Variants in C1orf52 observed in about 807,000 individuals in gnomAD.
C1orf52 encodes the protein chromosome 1 open reading frame 52, also known as UPF0690 protein C1orf52.
A neutral mutation model predicts 17.2 loss-of-function variants in C1orf52; 5 were observed. The observed-to-expected ratio is 0.29, with a 90% CI of 0.15 to 0.61. The LOEUF (loss-of-function observed/expected upper bound fraction) is 0.61. Among genes scored for constraint, C1orf52 ranks in the 20% least tolerant of loss-of-function variants. The pLI is 0.85. For synonymous variants in C1orf52, 110 were observed against 88.0 expected (o/e 1.25, Z -1.40); for missense variants, 245 against 234.1 (o/e 1.05, Z -0.30).
chr1:85,258,785 A>G, intron 1 of C1orf52, 63 bp from the exon 2 acceptor site: 1 of 1,467,954 alleles, frequency 6.8e-7, no homozygotes, highest in Non-Finnish European at 9.1e-7. Context: ...GGACGTGGGC[A>G]CATGCAACTC....
chr1:85,259,546 C>G lies in C1orf52; in HGVS notation c.88G>C (p.Glu30Gln). The change falls in exon 1 of 3, where the codon GAG becomes CAG. Residue 30 changes from glutamate to glutamine, a missense_variant. Physicochemically the swap from Glu to Gln is conservative, Grantham distance 29. Coordinates refer to ENST00000471115, the MANE Select transcript of C1orf52 (RefSeq NM_198077.4). ...GTTCTGCGACTCGTCTCCTCCGGCT[C>G]GATGTTATCCTCCTCGTCCGAGGAG... is the stretch of plus-strand genomic sequence containing the variant. ...SGSSDEEDNI[E>Q]PEETSRRTPD... The G allele has an allele frequency of 6.2e-7, 1 of 1,613,778 alleles. No homozygotes were observed. The highest frequency in any genetic ancestry group is 8.5e-7 in the Non-Finnish European group (1 of 1,179,970).
chr1:85,256,814 A>AAAAAAAAAG (rs1553178011), intron 2 of C1orf52, among the ~76,000 whole-genome samples: 321 of 107,988 alleles, frequency 3.0e-3, no homozygotes, highest in Middle Eastern at 5.6e-3. Context: ...AAAAAAAAAA[A>AAAAAAAAAG]AAAAGAAAAG....
chr1:85,258,043 T>C (rs1328073805), intron 2 of C1orf52, among the ~76,000 whole-genome samples: 3 of 150,998 alleles, frequency 2.0e-5, no homozygotes, highest in Non-Finnish European at 4.4e-5. Flanking sequence ...CGCTTGAACC[T>C]GGGAGGTGGA....
chr1:85,256,784 C>G (rs1385142996), intron 2 of C1orf52, among the ~76,000 whole-genome samples: 17 of 122,300 alleles, frequency 1.4e-4, no homozygotes, highest in Non-Finnish European at 2.4e-4. Flanking sequence ...GGGCGACTGA[C>G]CGAGACTCCG....
chr1:85,259,416 T>C lies in C1orf52; in HGVS notation c.218A>G (p.Tyr73Cys). 6.2e-7 allele frequency: 1 copy of C among 1,613,954 alleles called. No homozygotes were observed. Among genetic ancestry groups the C allele is most frequent in the South Asian group, 1.1e-5 (1 of 91,062 alleles). Residue 73 changes from tyrosine (Y) to cysteine (C), a missense_variant, in exon 1 of 3, where the codon TAC (tyrosine) becomes TGC (cysteine). Transcript: ENST00000471115. ...GTCTATCTGTTTGTTGAGCGGATTG[T>C]AGAGAAAGGCCGGGCGAGTCACGCT... ...FRSVTRPAFL[Y>C]NPLNKQIDWE...
At chr1:85,255,978 A>G (rs148450164) in intron 2 of C1orf52, among the ~76,000 whole-genome samples, 48 of 152,368 alleles carry the variant, frequency 3.2e-4, no homozygotes, top group African/African-American at 9.9e-4. Flanking sequence ...CTAGAAAAAG[A>G]TAATTCTTTC....
intron 2 of C1orf52, among the ~76,000 whole-genome samples, chr1:85,257,932 C>T (rs567429021): frequency 1.3e-5 from 2 of 151,768 alleles, no homozygotes; most frequent in African/African-American, 2.4e-5. Flanking sequence ...ATGGTGAAAC[C>T]CCACCTCTAC....
chr1:85,250,525 T>C lies in C1orf52; in HGVS notation c.*2104A>G, dbSNP rs916220219. 1 of 152,200 alleles carries C rather than the reference T, an allele frequency of 6.6e-6. No homozygotes were observed. The highest frequency in any genetic ancestry group is 2.4e-5 in the African/African-American group (1 of 41,440). 9.4% of individuals were successfully genotyped at this position (152,200 alleles called of 1,614,324 possible). On this transcript the variant is annotated 3_prime_UTR_variant, in exon 3 of 3. Transcript: ENST00000471115. ...TAATGTGATGATGAATGTAGAGTGA[T>C]ATGACAGTCCGTTTTCCAACCAGGA... is the stretch of plus-strand genomic sequence containing the variant.
At chr1:85,259,248 G>A in intron 1 of C1orf52, 110 bp downstream of exon 1, 1 of 1,380,380 alleles carries the variant, frequency 7.2e-7, no homozygotes, top group Non-Finnish European at 9.8e-7. Context: ...GCGGCATCCC[G>A]CGGGGGTGAC....
intron 1 of C1orf52, chr1:85,259,134 G>A (rs967421194): frequency 3.2e-6 from 4 of 1,247,272 alleles, no homozygotes; most frequent in African/African-American, 3.0e-5. Flanking sequence ...GAGCGCGGAG[G>A]TTTGGGTCTC....
At position 85,259,478 on chromosome 1, in the gene C1orf52, C is replaced by T. The variant is rs143708245; in HGVS notation, c.156G>A (p.Ala52=). 130 of 1,613,866 alleles carry T rather than the reference C, an allele frequency of 8.1e-5. No individual in the cohort carries two copies. Among genetic ancestry groups the T allele is most frequent in the Non-Finnish European group, 1.1e-4 (124 of 1,180,030 alleles). The change falls in exon 1 of 3, where the codon GCG becomes GCA. Residue 52 remains alanine (A), a synonymous_variant. Transcript: ENST00000471115. ...AKSAGGCRNK[A]EKRLPGPDEL... is the part of the protein sequence containing the mutation. Reference sequence around the variant, plus strand: ...CGTCAGGTCCCGGGAGCCGCTTCTCCGCCTTGTTCCTACAGCCGCCCGCCG... The same window carrying T: ...CGTCAGGTCCCGGGAGCCGCTTCTCTGCCTTGTTCCTACAGCCGCCCGCCG...
At chr1:85,258,401 CAA>C in intron 2 of C1orf52, 121 bp downstream of exon 2, 1 of 960,274 alleles carries the variant, frequency 1.0e-6, no homozygotes, top group Non-Finnish European at 1.6e-6. Flanking sequence ...AGTAAGTATC[CAA>C]AGACCATCAA....
chr1:85,251,512 CT>C lies in C1orf52; in HGVS notation c.*1116del, dbSNP rs1038356015. 1.3e-5 allele frequency: 2 copies of C among 152,182 alleles called. No individual in the cohort carries two copies. The highest frequency in any genetic ancestry group is 2.9e-5 in the Non-Finnish European group (2 of 68,040). 9.4% of individuals were successfully genotyped at this position (152,182 alleles called of 1,614,324 possible). A position where few individuals can be genotyped will look rare whatever the true frequency, so the allele number is the denominator to read the frequency against. ...AACGATCACACCTTCCCAACTACTT[CT>C]TGTTCATTTTATTATTACTATACGC... On this transcript the variant is annotated 3_prime_UTR_variant, in exon 3 of 3. Coordinates refer to ENST00000471115, the MANE Select transcript of C1orf52 (RefSeq NM_198077.4).
At position 85,251,993 on chromosome 1, in the gene C1orf52, C is replaced by CTCTT. The variant is rs1258037106; in HGVS notation, c.*632_*635dup. 6.6e-6 allele frequency: 1 copy of CTCTT among 152,184 alleles called. No individual in the cohort carries two copies. Among genetic ancestry groups the CTCTT allele is most frequent in the Non-Finnish European group, 1.5e-5 (1 of 68,040 alleles). The allele number at this position is 152,184 out of a possible 1,614,324, so 9.4% of individuals were successfully genotyped here. ...TAACATCAGACAAGCTACTCAAGCA[C>CTCTT]TCTTTATTATAAAATGAGAATACTA... On this transcript the variant is annotated 3_prime_UTR_variant, in exon 3 of 3. Coordinates refer to ENST00000471115, the MANE Select transcript of C1orf52 (RefSeq NM_198077.4).
At chr1:85,254,255 A>G (rs1659870963) in intron 2 of C1orf52, among the ~76,000 whole-genome samples, 1 of 152,200 alleles carries the variant, frequency 6.6e-6, no homozygotes, top group African/African-American at 2.4e-5. Flanking sequence ...TAGGCAGTGG[A>G]ATAAAATACA....
chr1:85,259,405 T>C lies in C1orf52; in HGVS notation c.229A>G (p.Asn77Asp), dbSNP rs1277180890. The change falls in exon 1 of 3, where the codon AAC (asparagine) becomes GAC (aspartate). Residue 77 changes from asparagine to aspartate, a missense_variant. Coordinates refer to ENST00000471115, the MANE Select transcript of C1orf52 (RefSeq NM_198077.4). ...TRPAFLYNPL[N>D]KQIDWERHVV... ...TGCCTCTCCCAGTCTATCTGTTTGT[T>C]GAGCGGATTGTAGAGAAAGGCCGGG... 1 of 1,614,010 alleles carries C rather than the reference T, an allele frequency of 6.2e-7. No homozygotes were observed. The highest frequency in any genetic ancestry group is 8.5e-7 in the Non-Finnish European group (1 of 1,179,970).
At chr1:85,255,568 G>A (rs1292887729) in intron 2 of C1orf52, among the ~76,000 whole-genome samples, 2 of 148,690 alleles carry the variant, frequency 1.3e-5, no homozygotes, top group East Asian at 2.0e-4. Flanking sequence ...AAAAAAACCC[G>A]AAGGGCTGAT....
Position 85,259,640 on chromosome 1 carries a change from T to C in C1orf52, c.-7A>G, listed in dbSNP as rs1447134381. Reference sequence around the variant, plus strand: ...CCTTCTCCTCCGCTGCCATGACGGCTGCGAGCGACAACCCAGCACTCCGCC... The same window carrying C: ...CCTTCTCCTCCGCTGCCATGACGGCCGCGAGCGACAACCCAGCACTCCGCC... On this transcript the variant is annotated 5_prime_UTR_variant, in exon 1 of 3. Coordinates refer to ENST00000471115, the MANE Select transcript of C1orf52 (RefSeq NM_198077.4). 1.9e-6 allele frequency: 3 copies of C among 1,538,964 alleles called. No homozygotes were observed. The highest frequency in any genetic ancestry group is 2.0e-5 in the Admixed American group (1 of 50,492).
At chr1:85,258,302 T>G (rs375958336) in intron 2 of C1orf52, among the ~76,000 whole-genome samples, 2 of 152,232 alleles carry the variant, frequency 1.3e-5, no homozygotes, top group East Asian at 3.8e-4. Context: ...TTTATGATCT[T>G]TCACTAAAAT....
Sources: gnomAD v4.1 joint callset for allele counts (sites outside exome capture counted in the v4.1 genomes callset) on GRCh38, gnomAD v4.1.1 for gene constraint, MANE v1.5 for transcripts, NCBI Gene and HGNC (gene_info 2026-07-23, HGNC 2026-07-21) for gene names.